Variants in CPEB3 observed in about 807,000 individuals in gnomAD.
CPEB3 encodes cytoplasmic polyadenylation element binding protein 3, also known as cytoplasmic polyadenylation element-binding protein 3.
A neutral mutation model predicts 67.2 loss-of-function variants in CPEB3; 20 were observed. That is an observed-to-expected ratio of 0.30 (90% confidence interval 0.21 to 0.43). The LOEUF (loss-of-function observed/expected upper bound fraction) is 0.43. CPEB3 is among the 20% of genes least tolerant of loss of function. CPEB3 has a pLI of 1.00. For missense variants in CPEB3, 746 were observed against 968.6 expected, an observed-to-expected ratio of 0.77 and a Z score of 3.05; for synonymous variants, 376 against 393.1, an observed-to-expected ratio of 0.96 and a Z score of 0.51.
At chr10:92,154,245 A>C (rs1164260126) in intron 4 of CPEB3, among the ~76,000 whole-genome samples, 2 of 152,226 alleles carry the variant, frequency 1.3e-5, no homozygotes, top group Non-Finnish European at 2.9e-5. Flanking sequence ...CCAAAGAAAA[A>C]TGGTAAGATT....
rs569421099 is a variant in CPEB3, at chr10:92,051,192, C to A, written c.*1020G>T. On this transcript the variant is annotated 3_prime_UTR_variant, in exon 10 of 10. Coordinates refer to ENST00000265997, the MANE Select transcript of CPEB3 (RefSeq NM_014912.5). ...CCATTTATTGAGGCATGCCTTCCTCCGGTCAATTACCAATTCTTTGAATGA... is the reference window on the plus strand; with the variant it reads ...CCATTTATTGAGGCATGCCTTCCTCAGGTCAATTACCAATTCTTTGAATGA... 5.2e-5 allele frequency: 8 copies of A among 152,544 alleles called. No homozygotes were observed. The East Asian group carries it at 1.5e-3, about 29-fold the overall frequency. The allele number at this position is 152,544 out of a possible 1,614,324, so 9.4% of individuals were successfully genotyped here. A position where few individuals can be genotyped will look rare whatever the true frequency, so the allele number is the denominator to read the frequency against.
At chr10:92,217,206 CAAAAAAAA>C (rs1163974877) in intron 2 of CPEB3, among the ~76,000 whole-genome samples, 357 of 25,464 alleles carry the variant, frequency 0.014, 5 homozygotes, top group Middle Eastern at 0.091. Flanking sequence ...GACTCTGCCT[CAAAAAAAA>C]AAAAAAAAAA....
At chr10:92,227,826 C>G (rs1365986311) in intron 2 of CPEB3, among the ~76,000 whole-genome samples, 2 of 152,002 alleles carry the variant, frequency 1.3e-5, no homozygotes, top group African/African-American at 2.4e-5. Flanking sequence ...CTCCTGACCT[C>G]GTGATCCACC....
At chr10:92,138,508 CA>C (rs34346830) in intron 6 of CPEB3, 76,818 of 119,246 alleles carry the variant, frequency 0.64, 21,956 homozygotes, top group African/African-American at 0.72. Context: ...CTTTTTGAGG[CA>C]AAAAAAAAAA....
intron 6 of CPEB3, among the ~76,000 whole-genome samples, chr10:92,122,738 A>C (rs754315757): frequency 6.6e-6 from 1 of 152,238 alleles, no homozygotes; most frequent in Non-Finnish European, 1.5e-5. Context: ...GAAGACATGA[A>C]TAGAGAAATC....
chr10:92,112,623 AGGGGCCACCTGTGGCACTT>A (rs1844808678), intron 6 of CPEB3, among the ~76,000 whole-genome samples: 1 of 152,222 alleles, frequency 6.6e-6, no homozygotes, highest in African/African-American at 2.4e-5. Flanking sequence ...CAGATATTCA[AGGGGCCACCTGTGGCACTT>A]GTGGCCACAC....
rs533156799 is a variant in CPEB3, at chr10:92,181,790, G to A, written c.1166-771C>T. 3.8e-3 allele frequency among the ~76,000 whole-genome samples: 574 copies of A among 152,274 alleles called. 3 individuals are homozygous for A. The highest frequency in any genetic ancestry group is 0.013 in the African/African-American group (543 of 41,562). On this transcript the variant is annotated intron_variant, in intron 3 of 9. Coordinates refer to ENST00000265997, the MANE Select transcript of CPEB3 (RefSeq NM_014912.5). ...ATATGTGACAGAGACCATGTGGCCC[G>A]TAAAGCCTAAAATATTTACTCTTTA...
intron 6 of CPEB3, among the ~76,000 whole-genome samples, chr10:92,129,590 C>A (rs1845750221): frequency 6.6e-6 from 1 of 152,056 alleles, no homozygotes; most frequent in Admixed American, 6.6e-5. Flanking sequence ...TCTGGTTCTA[C>A]TACTTCATTA....
At chr10:92,147,313 G>A (rs765092587) in intron 4 of CPEB3, among the ~76,000 whole-genome samples, 4 of 152,020 alleles carry the variant, frequency 2.6e-5, no homozygotes, top group South Asian at 4.2e-4. Context: ...AAAATTAGCC[G>A]GGCATGGTGA....
chr10:92,205,331 T>C (rs977180301), intron 2 of CPEB3, among the ~76,000 whole-genome samples: 1 of 152,200 alleles, frequency 6.6e-6, no homozygotes, highest in African/African-American at 2.4e-5. Context: ...TACCATATAA[T>C]AGATAATTAA....
intron 1 of CPEB3, among the ~76,000 whole-genome samples, chr10:92,263,532 C>G (rs1448918390): frequency 1.3e-5 from 2 of 151,898 alleles, no homozygotes; most frequent in Non-Finnish European, 2.9e-5. Context: ...CACTTAATAT[C>G]AGGAGTCAAA....
At chr10:92,280,707 T>A (rs531044896) in intron 1 of CPEB3, among the ~76,000 whole-genome samples, 327 of 139,494 alleles carry the variant, frequency 2.3e-3, no homozygotes, top group Non-Finnish European at 4.3e-3. Flanking sequence ...AATAAATAAA[T>A]CCCTGATCTA....
chr10:92,187,616 T>G (rs989380565), intron 3 of CPEB3, among the ~76,000 whole-genome samples: 3 of 152,164 alleles, frequency 2.0e-5, no homozygotes, highest in African/African-American at 7.2e-5. Context: ...AGAATATGAT[T>G]AATCAAACCT....
chr10:92,165,161 T>C (rs1360696886), intron 4 of CPEB3, among the ~76,000 whole-genome samples: 1 of 152,048 alleles, frequency 6.6e-6, no homozygotes, highest in African/African-American at 2.4e-5. Context: ...AAATACTTTA[T>C]TGTTGCCTAG....
intron 4 of CPEB3, among the ~76,000 whole-genome samples, chr10:92,165,608 T>C (rs1847703951): frequency 6.6e-6 from 1 of 152,168 alleles, no homozygotes; most frequent in Admixed American, 6.5e-5. Flanking sequence ...ATTTTACCCA[T>C]AGTAGAATAT....
In CPEB3 at chr10:92,241,956, G is replaced by T. The variant is rs538019073; in HGVS notation, c.-11-1595C>A. On this transcript the variant is annotated intron_variant, in intron 1 of 9. Transcript: ENST00000265997. ...GAGAGGAATCTTTCTCAGGACACTT[G>T]TGAAAAGGCATTCAGATACACACAG... 2.3e-3 allele frequency among the ~76,000 whole-genome samples: 345 copies of T among 152,290 alleles called. 1 individual carries two copies. The highest frequency in any genetic ancestry group is 4.0e-3 in the Admixed American group (61 of 15,298).
intron 6 of CPEB3, among the ~76,000 whole-genome samples, chr10:92,139,902 GTC>G (rs1206643975): frequency 6.6e-6 from 1 of 151,936 alleles, no homozygotes; most frequent in Non-Finnish European, 1.5e-5. Context: ...GTGAAAACCT[GTC>G]TCTACTAAAA....
At chr10:92,255,925 T>G (rs1442727193) in intron 1 of CPEB3, among the ~76,000 whole-genome samples, 1 of 152,228 alleles carries the variant, frequency 6.6e-6, no homozygotes, top group Non-Finnish European at 1.5e-5. Flanking sequence ...TCACCACTGT[T>G]TAGGTCTCCG....
intron 4 of CPEB3, among the ~76,000 whole-genome samples, chr10:92,164,725 TAA>T (rs1847655338): frequency 6.6e-6 from 1 of 152,182 alleles, no homozygotes; most frequent in Non-Finnish European, 1.5e-5. Flanking sequence ...TCTTAACCAC[TAA>T]GTTTGAAGAA....
Sources: gnomAD v4.1 joint callset for allele counts (sites outside exome capture counted in the v4.1 genomes callset) on GRCh38, gnomAD v4.1.1 for gene constraint, MANE v1.5 for transcripts, NCBI Gene and HGNC (gene_info 2026-07-23, HGNC 2026-07-21) for gene names.